POMT1: variants seen among roughly 807,000 people sequenced by gnomAD.
The protein encoded by POMT1 is protein O-mannosyltransferase 1.
A neutral mutation model predicts 101.6 loss-of-function variants in POMT1; 85 were observed. The observed-to-expected ratio is 0.84, with a 90% CI of 0.70 to 1.00. The LOEUF (loss-of-function observed/expected upper bound fraction) is 1.00. Among genes scored for constraint, POMT1 ranks in the 50% least tolerant of loss-of-function variants. POMT1 has a pLI of 0.00. For missense variants in POMT1, 857 were observed against 930.4 expected, an observed-to-expected ratio of 0.92 and a Z score of 1.03; for synonymous variants, 371 against 383.0, an observed-to-expected ratio of 0.97 and a Z score of 0.37.
rs977581957 is a variant in POMT1 at position 131,523,245 on chromosome 9, T to C, written c.*139T>C. 4.8e-6 allele frequency: 5 copies of C among 1,034,332 alleles called. No individual in the cohort carries two copies. The highest frequency in any genetic ancestry group is 2.1e-5 in the Admixed American group (1 of 47,646). The allele number at this position is 1,034,332 out of a possible 1,614,324, so 64.1% of individuals were successfully genotyped here. A position where few individuals can be genotyped will look rare whatever the true frequency, so the allele number is the denominator to read the frequency against. ...TGAGCAGGGCCTCTAGTGGAACACA[T>C]GGGGGTCTCATTGAAAAGCTCTCTG... On this transcript the variant is annotated 3_prime_UTR_variant, in exon 20 of 20. Coordinates refer to ENST00000402686, the MANE Select transcript of POMT1 (RefSeq NM_001077365.2).
chr9:131,520,053 A>G lies in POMT1; in HGVS notation c.1585-27A>G, dbSNP rs762909197. 6.3e-6 allele frequency: 10 copies of G among 1,594,344 alleles called. No individual in the cohort carries two copies. The Admixed American group carries it at 1.5e-4, about 24-fold the overall frequency. ...CAGCGGGAGGCATCCCCCATCCTCAATCTCAGAGGCCTCTGCTTTGTTCCA... is the reference window on the plus strand; with the variant it reads ...CAGCGGGAGGCATCCCCCATCCTCAGTCTCAGAGGCCTCTGCTTTGTTCCA... On this transcript the variant is annotated intron_variant, in intron 16 of 19. Coordinates refer to ENST00000402686, the MANE Select transcript of POMT1 (RefSeq NM_001077365.2).
At chr9:131,506,852 A>C (rs2131597527) in intron 4 of POMT1, 1 of 292,036 alleles carries the variant, frequency 3.4e-6, no homozygotes, top group East Asian at 8.8e-5. Context: ...GTGGATCATG[A>C]GGTCAGGAGA....
intron 9 of POMT1, chr9:131,510,978 GTGCT>G: frequency 7.2e-6 from 2 of 279,512 alleles, no homozygotes; most frequent in South Asian, 4.2e-5. Flanking sequence ...CCGACGGCCA[GTGCT>G]GTAGTGCTGT....
rs1356791510 is a variant in POMT1, at chr9:131,510,057, CA to C, written c.699+62del. ...CTGTATGGGGCAGATGCAGATGTCACAGGGGGTACTTGGTGAAAAGACTCCA... is the reference window on the plus strand; with the variant it reads ...CTGTATGGGGCAGATGCAGATGTCACGGGGGTACTTGGTGAAAAGACTCCA... On this transcript the variant is annotated intron_variant, in intron 8 of 19. Transcript: ENST00000402686. The C allele has an allele frequency of 5.0e-6, 8 of 1,614,104 alleles. No homozygotes were observed. In the Admixed American group the frequency reaches 5.0e-5, roughly 10 times the overall value.
chr9:131,522,354 C>G lies in POMT1; in HGVS notation c.2003+130C>G. 1 of 1,507,368 alleles carries G rather than the reference C, an allele frequency of 6.6e-7. No homozygotes were observed. Among genetic ancestry groups the G allele is most frequent in the South Asian group, 1.2e-5 (1 of 80,310 alleles). The allele number at this position is 1,507,368 out of a possible 1,614,324, so 93.4% of individuals were successfully genotyped here. A position where few individuals can be genotyped will look rare whatever the true frequency, so the allele number is the denominator to read the frequency against. On this transcript the variant is annotated intron_variant, in intron 19 of 19. Transcript: ENST00000402686. The surrounding 1 kb of genome is among the most constrained non-coding windows in gnomAD (Gnocchi z 5.5). ...TTACACTGACATCCTCCGGGTCCCT[C>G]CGGGGAATGGGTGAGGTTCAGAAGA...
In POMT1 at chr9:131,521,339, C is replaced by G. The variant is rs764871902; in HGVS notation, c.1699-7C>G. The G allele has an allele frequency of 2.5e-6, 4 of 1,614,134 alleles. No individual in the cohort carries two copies. Among genetic ancestry groups the G allele is most frequent in the Non-Finnish European group, 3.4e-6 (4 of 1,180,006 alleles). On this transcript the variant is annotated splice_region_variant and splice_polypyrimidine_tract_variant and intron_variant, in intron 17 of 19. Coordinates refer to ENST00000402686, the MANE Select transcript of POMT1 (RefSeq NM_001077365.2). ...GGTGGCTAACAGCATCTCCCATGTT[C>G]CCTTAGGCTCAGATCCACCTACTTG...
At chr9:131,515,163 C>CT (rs1246941130) in intron 12 of POMT1, among the ~76,000 whole-genome samples, 1 of 152,210 alleles carries the variant, frequency 6.6e-6, no homozygotes, top group Non-Finnish European at 1.5e-5. Flanking sequence ...GTTCGCTCGT[C>CT]TAACAGGTGG....
intron 13 of POMT1, 129 bp from the exon 14 acceptor site, chr9:131,518,316 C>T (rs753429654): frequency 5.1e-5 from 44 of 865,732 alleles, no homozygotes; most frequent in Non-Finnish European, 2.0e-6. Flanking sequence ...CTTATAGCTT[C>T]CCTCACTTGG....
intron 11 of POMT1, among the ~76,000 whole-genome samples, chr9:131,512,446 C>A (rs1947325823): frequency 6.6e-6 from 1 of 152,264 alleles, no homozygotes; most frequent in East Asian, 1.9e-4. Flanking sequence ...ATCTTGCACA[C>A]ATCCCAGCTA....
At position 131,516,296 on chromosome 9, in the gene POMT1, A is replaced by ACACCTCCTCACACGGAG. The variant is rs1948589045; in HGVS notation, c.1272+777_1272+778insCTCCTCACACGGAGCAC. On this transcript the variant is annotated intron_variant, in intron 13 of 19. Transcript: ENST00000402686. ...CACACGGAACACCTCCTCACACGGA[A>ACACCTCCTCACACGGAG]CACTTCCTCACACGGAGCACTTCCT... Among the ~76,000 whole-genome samples, 13 of 56,774 alleles carry ACACCTCCTCACACGGAG rather than the reference A, an allele frequency of 2.3e-4. No homozygotes were observed. In the East Asian group the frequency reaches 5.3e-3, roughly 23 times the overall value. 37.2% of individuals were successfully genotyped at this position (56,774 alleles called of 152,430 possible). A position where few individuals can be genotyped will look rare whatever the true frequency, so the allele number is the denominator to read the frequency against.
At chr9:131,521,524 C>T in intron 18 of POMT1, 52 bp downstream of exon 18, 5 of 1,590,202 alleles carry the variant, frequency 3.1e-6, no homozygotes, top group Non-Finnish European at 4.3e-6. Context: ...GACATGGGGT[C>T]TTGCTGTGTT....
chr9:131,504,327 C>CCG lies in POMT1; in HGVS notation c.112_113dup (p.Ala39GlyfsTer18), dbSNP rs1564325733. On this transcript the variant is annotated frameshift_variant, in exon 2 of 20. Transcript: ENST00000402686. LOFTEE classifies it high-confidence loss of function. ...GAGCCGGCTGTGGCGACTCACCTAC[C>CCG]CGCGGGCTGTGGTGTAAGCTAAATG... 1 of 1,614,210 alleles carries CCG rather than the reference C, an allele frequency of 6.2e-7. No individual in the cohort carries two copies. Among genetic ancestry groups the CCG allele is most frequent in the Admixed American group, 1.7e-5 (1 of 60,022 alleles).
intron 10 of POMT1, 138 bp downstream of exon 10, chr9:131,511,605 C>A: frequency 8.4e-7 from 1 of 1,183,602 alleles, no homozygotes; most frequent in Non-Finnish European, 1.2e-6. Context: ...GTGCTGATTG[C>A]CAGTGAGCTT....
At chr9:131,521,781 A>G (rs1949972269) in intron 18 of POMT1, among the ~76,000 whole-genome samples, 1 of 152,214 alleles carries the variant, frequency 6.6e-6, no homozygotes, top group South Asian at 2.1e-4. Context: ...AGTGCAGCGT[A>G]TTGGGCAGGA....
chr9:131,515,295 G>T, intron 12 of POMT1, 131 bp from the exon 13 acceptor site: 1 of 886,628 alleles, frequency 1.1e-6, no homozygotes. Flanking sequence ...GCAACTCATG[G>T]GACTGGGCCA....
At chr9:131,510,159 G>C (rs1946791705) in intron 8 of POMT1, 101 bp from the exon 9 acceptor site, 1 of 1,605,246 alleles carries the variant, frequency 6.2e-7, no homozygotes, top group African/African-American at 1.4e-5. Context: ...TGTATGGGAG[G>C]CCAGAGTTTC....
At chr9:131,506,531 A>T in intron 4 of POMT1, 78 bp downstream of exon 4, 3 of 1,405,270 alleles carry the variant, frequency 2.1e-6, no homozygotes, top group Non-Finnish European at 3.0e-6. Flanking sequence ...AGGATTAACA[A>T]CTGTGGCTTT....
At chr9:131,506,337 T>A (rs1945809527) in intron 3 of POMT1, 66 bp from the exon 4 acceptor site, 10 of 1,563,328 alleles carry the variant, frequency 6.4e-6, no homozygotes, top group Non-Finnish European at 8.8e-6. Flanking sequence ...TCTTGTTTAT[T>A]GCTTGCCACA....
chr9:131,513,182 G>T, intron 11 of POMT1, 57 bp from the exon 12 acceptor site: 1 of 1,442,940 alleles, frequency 6.9e-7, no homozygotes. Flanking sequence ...CTCCGGTGCA[G>T]CTGTTAGTTC....
Sources: allele counts gnomAD v4.1 joint callset (sites outside exome capture counted in the v4.1 genomes callset), GRCh38; gene constraint gnomAD v4.1.1; non-coding constraint Gnocchi (gnomAD v3.1); transcripts MANE v1.5; gene names NCBI Gene and HGNC (gene_info 2026-07-23, HGNC 2026-07-21).